The following CYREN variants were observed in gnomAD, a reference collection of about 807,000 sequenced individuals.
The protein encoded by CYREN is cell cycle regulator of NHEJ.
CYREN carries 7 observed loss-of-function variants against 9.7 expected under a neutral mutation model. The observed-to-expected ratio is 0.72, with a 90% CI of 0.41 to 1.36. The LOEUF (loss-of-function observed/expected upper bound fraction) is 1.36. Among genes scored for constraint, CYREN ranks in the 40% most tolerant of loss-of-function variants. The pLI is 0.01. For missense variants in CYREN, 215 were observed against 198.1 expected, an observed-to-expected ratio of 1.09 and a Z score of -0.51; for synonymous variants, 76 against 77.9, an observed-to-expected ratio of 0.98 and a Z score of 0.13.
intron 2 of CYREN, among the ~76,000 whole-genome samples, chr7:135,097,741 T>C (rs909602515): frequency 6.6e-6 from 1 of 152,066 alleles, no homozygotes; most frequent in Admixed American, 6.5e-5. Context: ...GAAGAAGATA[T>C]CCTCCTTAGA....
intron 2 of CYREN, 120 bp from the exon 3 acceptor site, chr7:135,167,927 C>A (rs1830303404): frequency 6.6e-7 from 1 of 1,516,608 alleles, no homozygotes; most frequent in South Asian, 1.2e-5. Flanking sequence ...GGTACCAGCA[C>A]CTCTGAGCTG....
chr7:135,101,148 C>G (rs1307600074), intron 2 of CYREN: 2 of 455,452 alleles, frequency 4.4e-6, no homozygotes, highest in African/African-American at 4.0e-5. Flanking sequence ...AGTGAGAGGC[C>G]AATCTAGGAA....
intron 2 of CYREN, chr7:135,135,533 G>T (rs187406159): frequency 3.6e-5 from 9 of 249,292 alleles, no homozygotes; most frequent in African/African-American, 1.3e-4. Flanking sequence ...CTGAAGTTTT[G>T]ATTTCTTCCA....
At chr7:135,123,667 G>A (rs1201797908) in intron 2 of CYREN, among the ~76,000 whole-genome samples, 1 of 152,100 alleles carries the variant, frequency 6.6e-6, no homozygotes, top group Non-Finnish European at 1.5e-5. Flanking sequence ...TCTACAAAGG[G>A]AAGCCCATCA....
At chr7:135,102,378 TATTC>T (rs1823965936) in intron 2 of CYREN, among the ~76,000 whole-genome samples, 1 of 152,216 alleles carries the variant, frequency 6.6e-6, no homozygotes, top group Non-Finnish European at 1.5e-5. Flanking sequence ...ACAGTCATTC[TATTC>T]ATTAATTCTT....
chr7:135,159,611 G>C (rs1282658640), intron 2 of CYREN, among the ~76,000 whole-genome samples: 1 of 152,204 alleles, frequency 6.6e-6, no homozygotes, highest in African/African-American at 2.4e-5. Flanking sequence ...TTGTTCCAGA[G>C]GACCTAGTGC....
intron 2 of CYREN, among the ~76,000 whole-genome samples, chr7:135,130,668 C>T (rs558934191): frequency 6.6e-6 from 1 of 152,086 alleles, no homozygotes; most frequent in East Asian, 1.9e-4. Flanking sequence ...CTTGAATTAT[C>T]TGCATTTACC....
intron 2 of CYREN, among the ~76,000 whole-genome samples, chr7:135,139,059 A>G (rs527427888): frequency 6.6e-6 from 1 of 152,200 alleles, no homozygotes; most frequent in Non-Finnish European, 1.5e-5. Context: ...GAACATACAC[A>G]TGCATGTGTC....
chr7:135,108,533 C>T (rs576110909), intron 2 of CYREN, among the ~76,000 whole-genome samples: 1 of 152,150 alleles, frequency 6.6e-6, no homozygotes, highest in Non-Finnish European at 1.5e-5. Flanking sequence ...GAATATAGGC[C>T]CCCAATCTCT....
chr7:135,138,330 A>G (rs1659707675), intron 2 of CYREN, among the ~76,000 whole-genome samples: 1 of 152,096 alleles, frequency 6.6e-6, no homozygotes, highest in African/African-American at 2.4e-5. Context: ...TTTGTTCAAA[A>G]CAATAACAGT....
chr7:135,115,115 C>T (rs1826141623), intron 2 of CYREN, among the ~76,000 whole-genome samples: 3 of 152,152 alleles, frequency 2.0e-5, no homozygotes. Context: ...CATAAGGAGG[C>T]TTTTTCTTAA....
intron 2 of CYREN, among the ~76,000 whole-genome samples, chr7:135,147,457 T>C (rs986318241): frequency 2.0e-5 from 3 of 152,306 alleles, no homozygotes; most frequent in Admixed American, 1.3e-4. Context: ...TTCCAGTTGG[T>C]CATGTGAGCA....
intron 2 of CYREN, among the ~76,000 whole-genome samples, chr7:135,097,557 T>C (rs1823091253): frequency 6.6e-6 from 1 of 152,168 alleles, no homozygotes; most frequent in Non-Finnish European, 1.5e-5. Flanking sequence ...GAACTTCTTA[T>C]CAAAGAAAAT....
intron 2 of CYREN, among the ~76,000 whole-genome samples, chr7:135,156,863 A>G (rs1400836423): frequency 6.6e-6 from 1 of 152,160 alleles, no homozygotes; most frequent in Admixed American, 6.5e-5. Context: ...CAGGGGAGGT[A>G]ACTGAATCAT....
chr7:135,127,914 T>C (rs976456161), intron 2 of CYREN, among the ~76,000 whole-genome samples: 5 of 152,140 alleles, frequency 3.3e-5, no homozygotes, highest in African/African-American at 7.2e-5. Flanking sequence ...AGCAAAGACA[T>C]GGAACCAACC....
At chr7:135,096,652 A>G (rs1269483784) in intron 2 of CYREN, among the ~76,000 whole-genome samples, 1 of 126,756 alleles carries the variant, frequency 7.9e-6, no homozygotes, top group Non-Finnish European at 1.8e-5. Context: ...CTGGTGGAAG[A>G]ACTTATACAA....
intron 2 of CYREN, among the ~76,000 whole-genome samples, chr7:135,098,837 A>C (rs559222565): frequency 1.8e-3 from 269 of 152,338 alleles, no homozygotes; most frequent in Non-Finnish European, 3.3e-3. Flanking sequence ...AAATATTTAC[A>C]TTGATCTTTT....
At chr7:135,158,389 A>G (rs138102149) in intron 2 of CYREN, among the ~76,000 whole-genome samples, 2 of 152,094 alleles carry the variant, frequency 1.3e-5, no homozygotes, top group Non-Finnish European at 2.9e-5. Flanking sequence ...CCAACATTAA[A>G]CTCTCAAAAT....
intron 2 of CYREN, among the ~76,000 whole-genome samples, chr7:135,134,132 T>C (rs1025634687): frequency 6.6e-6 from 1 of 152,268 alleles, no homozygotes; most frequent in Admixed American, 6.5e-5. Flanking sequence ...CAGTGTTCTC[T>C]ATCTTGACTA....
Sources: allele counts gnomAD v4.1 joint callset (sites outside exome capture counted in the v4.1 genomes callset), GRCh38; gene constraint gnomAD v4.1.1; transcripts MANE v1.5; gene names NCBI Gene and HGNC (gene_info 2026-07-23, HGNC 2026-07-21).